STAC: variants seen among roughly 807,000 people sequenced by gnomAD.
The protein encoded by STAC is SH3 and cysteine-rich domain-containing protein.
In STAC, 43 loss-of-function variants were observed where a neutral mutation model predicts 48.8. The ratio of observed to expected loss-of-function variants is 0.88; its 90% CI spans 0.69 to 1.14. The LOEUF (loss-of-function observed/expected upper bound fraction) is 1.14. Ranked by LOEUF, STAC falls within the 50% of genes most tolerant of loss-of-function variation. STAC has a pLI of 0.00. For synonymous variants in STAC, 193 were observed against 179.5 expected, an observed-to-expected ratio of 1.07 and a Z score of -0.60; for missense variants, 497 against 504.0, an observed-to-expected ratio of 0.99 and a Z score of 0.13.
intron 1 of STAC, among the ~76,000 whole-genome samples, chr3:36,399,710 A>G (rs566011736): frequency 6.6e-6 from 1 of 152,312 alleles, no homozygotes; most frequent in East Asian, 1.9e-4. Context: ...TTAAAAAACC[A>G]TGGCTCTAGG....
chr3:36,383,013 G>T (rs1699544885), intron 1 of STAC, among the ~76,000 whole-genome samples: 1 of 152,034 alleles, frequency 6.6e-6, no homozygotes, highest in Non-Finnish European at 1.5e-5. Flanking sequence ...AAAGAGTTAG[G>T]TTTTTTTGTC....
intron 10 of STAC, among the ~76,000 whole-genome samples, chr3:36,532,702 T>C (rs1215069308): frequency 6.6e-6 from 1 of 152,198 alleles, no homozygotes; most frequent in Non-Finnish European, 1.5e-5. Context: ...TAAAAGTATA[T>C]GCAAACCCCA....
chr3:36,539,092 G>A (rs1250003412), intron 10 of STAC, among the ~76,000 whole-genome samples: 1 of 152,110 alleles, frequency 6.6e-6, no homozygotes, highest in Non-Finnish European at 1.5e-5. Flanking sequence ...TTTTTCTGAA[G>A]TTTCAATTCA....
chr3:36,434,770 C>T (rs1315960611), intron 1 of STAC, among the ~76,000 whole-genome samples: 2 of 152,192 alleles, frequency 1.3e-5, no homozygotes, highest in African/African-American at 4.8e-5. Context: ...ATCAATACAC[C>T]TGCTATTACA....
chr3:36,408,558 A>G (rs975735151), intron 1 of STAC, among the ~76,000 whole-genome samples: 5 of 152,172 alleles, frequency 3.3e-5, no homozygotes, highest in African/African-American at 7.2e-5. Flanking sequence ...GGTTGTTACA[A>G]TTCTGGCCGA....
At chr3:36,514,851 A>G (rs1351089436) in intron 8 of STAC, among the ~76,000 whole-genome samples, 1 of 152,080 alleles carries the variant, frequency 6.6e-6, no homozygotes, top group African/African-American at 2.4e-5. Context: ...TCTGGACAAC[A>G]TGGTGACACC....
chr3:36,397,993 G>T (rs7617418), intron 1 of STAC, among the ~76,000 whole-genome samples: 3,537 of 152,046 alleles, frequency 0.023, 60 homozygotes, highest in Non-Finnish European at 0.026. Context: ...TGTCTGAGGA[G>T]CCAAGAGCAA....
At chr3:36,458,743 A>G (rs1696920241) in intron 2 of STAC, among the ~76,000 whole-genome samples, 1 of 152,220 alleles carries the variant, frequency 6.6e-6, no homozygotes, top group African/African-American at 2.4e-5. Context: ...CAATTTAGAG[A>G]AAAAATTGTC....
intron 2 of STAC, among the ~76,000 whole-genome samples, chr3:36,456,746 C>T (rs374707458): frequency 3.3e-5 from 5 of 152,180 alleles, no homozygotes; most frequent in East Asian, 1.9e-4. Flanking sequence ...TCCTCAGCTA[C>T]CTGGCCCCTT....
At chr3:36,478,719 C>T (rs1041746374) in intron 2 of STAC, among the ~76,000 whole-genome samples, 1 of 152,014 alleles carries the variant, frequency 6.6e-6, no homozygotes, top group Non-Finnish European at 1.5e-5. Context: ...AACTCCTGAC[C>T]TCAAGTGATC....
At chr3:36,452,506 A>G (rs1696711809) in intron 2 of STAC, among the ~76,000 whole-genome samples, 1 of 152,192 alleles carries the variant, frequency 6.6e-6, no homozygotes. Context: ...TGTCCTTAGC[A>G]CTAAGCCCGG....
chr3:36,395,915 C>T (rs976831292), intron 1 of STAC, among the ~76,000 whole-genome samples: 1 of 140,392 alleles, frequency 7.1e-6, no homozygotes, highest in Non-Finnish European at 1.5e-5. Flanking sequence ...CTTCTATAAG[C>T]ATCTCTCCAC....
intron 6 of STAC, among the ~76,000 whole-genome samples, chr3:36,495,519 C>T (rs115929569): frequency 2.6e-3 from 397 of 152,350 alleles, no homozygotes; most frequent in African/African-American, 9.0e-3. Context: ...ACACCTCAGA[C>T]GTAATCCATC....
intron 2 of STAC, among the ~76,000 whole-genome samples, chr3:36,466,204 G>T (rs77089689): frequency 0.031 from 4,739 of 152,086 alleles, 218 homozygotes; most frequent in African/African-American, 0.11. Context: ...GAGATCAAGT[G>T]GCTGTAAGTA....
chr3:36,384,640 A>G (rs1264797944), intron 1 of STAC, among the ~76,000 whole-genome samples: 1 of 152,136 alleles, frequency 6.6e-6, no homozygotes, highest in African/African-American at 2.4e-5. Flanking sequence ...TAGTTATGCT[A>G]ATTGATTACA....
At chr3:36,542,159 G>T (rs1436515138) in intron 10 of STAC, among the ~76,000 whole-genome samples, 1 of 152,126 alleles carries the variant, frequency 6.6e-6, no homozygotes, top group East Asian at 1.9e-4. Context: ...AAATAAATCT[G>T]ATCACCTTAT....
chr3:36,448,848 TAAG>T (rs769287600), intron 2 of STAC, among the ~76,000 whole-genome samples: 168 of 149,994 alleles, frequency 1.1e-3, no homozygotes, highest in Non-Finnish European at 1.8e-3. Flanking sequence ...AAGGGTAAGG[TAAG>T]AGGATAGCTT....
At chr3:36,450,159 T>C (rs1229928604) in intron 2 of STAC, among the ~76,000 whole-genome samples, 2 of 152,210 alleles carry the variant, frequency 1.3e-5, no homozygotes, top group Non-Finnish European at 2.9e-5. Context: ...CACAGCCAGC[T>C]CTAATTTATG....
At chr3:36,455,417 G>A (rs1330355434) in intron 2 of STAC, among the ~76,000 whole-genome samples, 1 of 152,180 alleles carries the variant, frequency 6.6e-6, no homozygotes, top group Admixed American at 6.5e-5. Flanking sequence ...TGATATTGCT[G>A]ATTCCTGCCT....
Sources: gnomAD v4.1 joint callset for allele counts (sites outside exome capture counted in the v4.1 genomes callset) on GRCh38, gnomAD v4.1.1 for gene constraint, MANE v1.5 for transcripts, NCBI Gene and HGNC (gene_info 2026-07-23, HGNC 2026-07-21) for gene names.